Variants in CDH12 observed in about 807,000 individuals in gnomAD.
CDH12 encodes cadherin 12.
CDH12 carries 41 observed loss-of-function variants against 74.1 expected under a neutral mutation model. The ratio of observed to expected loss-of-function variants is 0.55; its 90% CI spans 0.43 to 0.72. The LOEUF is 0.72. Ranked by LOEUF, CDH12 falls within the 30% of genes least tolerant of loss-of-function variation. CDH12 has a pLI of 0.00. For missense variants in CDH12, 945 were observed against 977.2 expected, an observed-to-expected ratio of 0.97 and a Z score of 0.44; for synonymous variants, 399 against 355.0, an observed-to-expected ratio of 1.12 and a Z score of -1.39.
chr5:22,786,061 A>T (rs530354446), intron 1 of CDH12, among the ~76,000 whole-genome samples: 3 of 152,154 alleles, frequency 2.0e-5, no homozygotes, highest in African/African-American at 7.2e-5. Context: ...CAAAGACTCA[A>T]CTTAAATGCC....
intron 1 of CDH12, among the ~76,000 whole-genome samples, 170 bp from the exon 2 acceptor site, chr5:22,505,534 C>A (rs982138618): frequency 5.9e-5 from 9 of 152,098 alleles, no homozygotes; most frequent in African/African-American, 1.7e-4. Flanking sequence ...AAGTGCATTT[C>A]TCAATGTACT....
At position 22,133,264 on chromosome 5, in the gene CDH12, T is replaced by C. The variant is rs575155141; in HGVS notation, c.-186-54402A>G. 5.9e-5 allele frequency among the ~76,000 whole-genome samples: 9 copies of C among 152,264 alleles called. No individual in the cohort carries two copies. In the South Asian group the frequency reaches 1.7e-3, roughly 28 times the overall value. On this transcript the variant is annotated intron_variant, in intron 4 of 14. Coordinates refer to ENST00000382254, the MANE Select transcript of CDH12 (RefSeq NM_004061.5). ...TATCTGGGTCTTCAAAAGAATTTCA[T>C]AGCATACCTTTGATCATTTAACTTG... is the stretch of plus-strand genomic sequence containing the variant.
intron 3 of CDH12, among the ~76,000 whole-genome samples, chr5:22,231,293 A>G (rs1313260201): frequency 6.6e-6 from 1 of 152,122 alleles, no homozygotes; most frequent in Non-Finnish European, 1.5e-5. Context: ...ATTGGCTCAA[A>G]TTTATTCCCA....
Position 22,506,676 on chromosome 5 carries a change from T to C in CDH12, c.-522-1312A>G, listed in dbSNP as rs542600257. ...GAAACCAAGATCTGACTACTAGTTA[T>C]GGTTCCTTGCCACTGGGGTGCCATT... On this transcript the variant is annotated intron_variant, in intron 1 of 14. Transcript: ENST00000382254. Among the ~76,000 whole-genome samples, 391 of 152,206 alleles carry C rather than the reference T, an allele frequency of 2.6e-3. 4 individuals carry two copies. Among genetic ancestry groups the C allele is most frequent in the African/African-American group, 9.2e-3 (381 of 41,558 alleles).
chr5:21,924,867 T>C (rs903108876), intron 6 of CDH12, among the ~76,000 whole-genome samples: 2 of 152,238 alleles, frequency 1.3e-5, no homozygotes, highest in East Asian at 3.9e-4. Context: ...TTTCCATTGA[T>C]ACTAGAAATA....
Position 21,975,123 on chromosome 5 carries a change from T to A in CDH12, c.494A>T (p.Tyr165Phe), listed in dbSNP as rs765725258. The A allele has an allele frequency of 1.9e-6, 3 of 1,597,170 alleles. No individual in the cohort carries two copies. The highest frequency in any genetic ancestry group is 1.7e-6 in the Non-Finnish European group (2 of 1,179,550). ...AGACATTTCTGGAACAGTAGCAACATAAGGTCCATCCAAAAACTTTGGCTC... is the reference window on the plus strand; with the variant it reads ...AGACATTTCTGGAACAGTAGCAACAAAAGGTCCATCCAAAAACTTTGGCTC... ...DNEPKFLDGPYVATVPEMSPV... is the reference protein window; with the variant it reads ...DNEPKFLDGPFVATVPEMSPV... Residue 165 changes from tyrosine (Y) to phenylalanine (F), a missense_variant, in exon 6 of 15, where the codon TAT (tyrosine) becomes TTT (phenylalanine). This residue lies in a region of CDH12 where 791 missense variants were observed against 792.8 expected (regional missense o/e 1.00). Coordinates refer to ENST00000382254, the MANE Select transcript of CDH12 (RefSeq NM_004061.5).
At chr5:21,877,653 A>C (rs973829140) in intron 6 of CDH12, among the ~76,000 whole-genome samples, 2 of 152,232 alleles carry the variant, frequency 1.3e-5, no homozygotes, top group Admixed American at 1.3e-4. Context: ...GGCAGTGATG[A>C]CACTGCTTTG....
chr5:22,760,132 C>A (rs1746130653), intron 1 of CDH12, among the ~76,000 whole-genome samples: 1 of 152,154 alleles, frequency 6.6e-6, no homozygotes, highest in African/African-American at 2.4e-5. Flanking sequence ...TCCTTTGTAG[C>A]AATGAATAAA....
intron 2 of CDH12, among the ~76,000 whole-genome samples, chr5:22,486,239 T>A (rs148822351): frequency 2.6e-4 from 40 of 152,260 alleles, no homozygotes; most frequent in South Asian, 2.3e-3. Context: ...TTGTCACCTT[T>A]CCTATCATAC....
intron 3 of CDH12, among the ~76,000 whole-genome samples, chr5:22,222,083 G>A (rs181234271): frequency 5.9e-5 from 9 of 152,008 alleles, no homozygotes; most frequent in African/African-American, 1.9e-4. Context: ...ATATAAAATA[G>A]TCACTTAGTA....
chr5:22,571,425 A>G (rs1739534150), intron 1 of CDH12, among the ~76,000 whole-genome samples: 1 of 152,010 alleles, frequency 6.6e-6, no homozygotes, highest in Admixed American at 6.6e-5. Flanking sequence ...CTCCTGAGTT[A>G]AAGTGATTCT....
chr5:22,801,442 G>A (rs1480781185), intron 1 of CDH12, among the ~76,000 whole-genome samples: 1 of 151,680 alleles, frequency 6.6e-6, no homozygotes, highest in East Asian at 1.9e-4. Flanking sequence ...GAGGTTTTTT[G>A]CCTTTTTAAG....
intron 5 of CDH12, among the ~76,000 whole-genome samples, chr5:22,034,188 C>T (rs570318751): frequency 1.3e-5 from 2 of 152,234 alleles, no homozygotes; most frequent in East Asian, 3.9e-4. Flanking sequence ...TAGTGCACCA[C>T]CATGCCTGGA....
chr5:22,527,462 G>A (rs1413829777), intron 1 of CDH12, among the ~76,000 whole-genome samples: 1 of 152,110 alleles, frequency 6.6e-6, no homozygotes, highest in Non-Finnish European at 1.5e-5. Context: ...GGAACACACT[G>A]ATGACCTAAC....
chr5:22,127,260 G>T (rs189418466), intron 4 of CDH12, among the ~76,000 whole-genome samples: 1 of 151,996 alleles, frequency 6.6e-6, no homozygotes, highest in African/African-American at 2.4e-5. Flanking sequence ...TTGGGGGGCC[G>T]AGAGGTCAGG....
intron 1 of CDH12, among the ~76,000 whole-genome samples, chr5:22,760,678 C>CAAAAAAAAAAAAAAAAAAAAAAAAAA (rs11284255): frequency 3.2e-5 from 2 of 63,434 alleles, no homozygotes; most frequent in African/African-American, 6.4e-5. Flanking sequence ...GACTCCGTCT[C>CAAAAAAAAAAAAAAAAAAAAAAAAAA]AAAAAAAAAA....
intron 11 of CDH12, among the ~76,000 whole-genome samples, chr5:21,770,483 G>T (rs761345365): frequency 6.6e-6 from 1 of 151,940 alleles, no homozygotes; most frequent in Non-Finnish European, 1.5e-5. Context: ...AAGTAGCTGG[G>T]CATGGTGGTG....
chr5:22,702,336 G>A (rs1015153595), intron 1 of CDH12, among the ~76,000 whole-genome samples: 1 of 152,136 alleles, frequency 6.6e-6, no homozygotes, highest in African/African-American at 2.4e-5. Flanking sequence ...CCCATATACA[G>A]GTAGGAACCA....
intron 2 of CDH12, among the ~76,000 whole-genome samples, chr5:22,454,855 A>C (rs1188442282): frequency 5.3e-5 from 8 of 152,134 alleles, no homozygotes; most frequent in Non-Finnish European, 1.0e-4. Context: ...TCACCTTTCA[A>C]AAACTCCACC....
Sources: allele counts gnomAD v4.1 joint callset (sites outside exome capture counted in the v4.1 genomes callset), GRCh38; gene constraint gnomAD v4.1.1; regional missense constraint gnomAD v4.1.1; transcripts MANE v1.5; gene names NCBI Gene and HGNC (gene_info 2026-07-23, HGNC 2026-07-21).